Variants in CDH18 observed in about 807,000 individuals in gnomAD.
The protein encoded by CDH18 is cadherin-18.
CDH18 carries 31 observed loss-of-function variants against 67.9 expected under a neutral mutation model. That is an observed-to-expected ratio of 0.46 (90% CI 0.34 to 0.62). The LOEUF is 0.62. Among genes scored for constraint, CDH18 ranks in the 20% least tolerant of loss-of-function variants. The pLI, the probability that CDH18 is intolerant of heterozygous loss-of-function variation, is 0.01. For missense variants in CDH18, 890 were observed against 975.5 expected, an observed-to-expected ratio of 0.91 and a Z score of 1.17; for synonymous variants, 362 against 347.2, an observed-to-expected ratio of 1.04 and a Z score of -0.48.
At chr5:20,059,725 A>C (rs941544090) in intron 2 of CDH18, among the ~76,000 whole-genome samples, 3 of 152,360 alleles carry the variant, frequency 2.0e-5, no homozygotes, top group African/African-American at 7.2e-5. Flanking sequence ...AATGCCCATC[A>C]GTGACTGGAT....
chr5:20,016,514 G>A (rs563267259), intron 2 of CDH18, among the ~76,000 whole-genome samples: 9 of 152,224 alleles, frequency 5.9e-5, no homozygotes, highest in African/African-American at 1.7e-4. Context: ...AGTGATAGAA[G>A]CATAAATGGA....
rs138936249 is a variant in CDH18 at position 20,365,429 on chromosome 5, G to A, written c.-579-109924C>T. 2.9e-4 allele frequency among the ~76,000 whole-genome samples: 44 copies of A among 152,214 alleles called. No homozygotes were observed. The East Asian group carries it at 6.8e-3, about 23-fold the overall frequency. On this transcript the variant is annotated intron_variant, in intron 1 of 14. Transcript: ENST00000507958. ...GTCCACAAGCAATTCCTGATCTGCCGTGGGAAGAAGCTTGCACAAGCCTCC... is the reference window on the plus strand; with the variant it reads ...GTCCACAAGCAATTCCTGATCTGCCATGGGAAGAAGCTTGCACAAGCCTCC...
chr5:20,470,477 A>G (rs996773257), intron 1 of CDH18, among the ~76,000 whole-genome samples: 1 of 152,072 alleles, frequency 6.6e-6, no homozygotes, highest in Non-Finnish European at 1.5e-5. Flanking sequence ...CTATTCTGTA[A>G]CTTTTCTGTT....
chr5:19,881,212 T>C (rs1375249849), intron 2 of CDH18, among the ~76,000 whole-genome samples: 1 of 152,156 alleles, frequency 6.6e-6, no homozygotes, highest in Non-Finnish European at 1.5e-5. Flanking sequence ...AGTAAGTCCT[T>C]TCAATGCCTT....
At chr5:20,254,693 TG>T (rs1439608254) in intron 2 of CDH18, among the ~76,000 whole-genome samples, 1 of 152,202 alleles carries the variant, frequency 6.6e-6, no homozygotes, top group Non-Finnish European at 1.5e-5. Flanking sequence ...TCAGCCACAG[TG>T]GCAAGAAGTT....
intron 3 of CDH18, among the ~76,000 whole-genome samples, chr5:19,773,412 G>A (rs1773947558): frequency 6.6e-6 from 1 of 152,050 alleles, no homozygotes. Flanking sequence ...ACTTTAGAAA[G>A]GTAAAACAAA....
chr5:19,489,187 A>T (rs2126645590), intron 11 of CDH18, among the ~76,000 whole-genome samples: 1 of 151,770 alleles, frequency 6.6e-6, no homozygotes, highest in African/African-American at 2.4e-5. Flanking sequence ...AAATAAATGT[A>T]CTTATTTTAT....
intron 2 of CDH18, among the ~76,000 whole-genome samples, chr5:19,845,512 T>C (rs983395268): frequency 6.6e-6 from 1 of 152,130 alleles, no homozygotes; most frequent in African/African-American, 2.4e-5. Flanking sequence ...GTTCCATATA[T>C]GTCTGTTAAA....
chr5:20,544,598 C>T (rs1402228391), intron 1 of CDH18, among the ~76,000 whole-genome samples: 1 of 151,922 alleles, frequency 6.6e-6, no homozygotes. Context: ...AGGGAAAGTG[C>T]CACACTTTTA....
chr5:19,590,116 A>G (rs933129316), intron 7 of CDH18, among the ~76,000 whole-genome samples: 1 of 152,122 alleles, frequency 6.6e-6, no homozygotes, highest in Non-Finnish European at 1.5e-5. Flanking sequence ...TATTCTTTGC[A>G]TAGCTCATGT....
intron 11 of CDH18, among the ~76,000 whole-genome samples, chr5:19,490,872 A>C (rs987055939): frequency 1.3e-5 from 2 of 152,294 alleles, no homozygotes; most frequent in South Asian, 4.1e-4. Flanking sequence ...TAGGTAAAAC[A>C]ACAATCAATG....
intron 1 of CDH18, among the ~76,000 whole-genome samples, chr5:19,982,904 C>G (rs1478380336): frequency 6.6e-6 from 1 of 151,964 alleles, no homozygotes; most frequent in East Asian, 1.9e-4. Flanking sequence ...ATTAGCCGGG[C>G]TTGGTGGCAG....
chr5:20,360,187 C>T (rs1221002095), intron 1 of CDH18, among the ~76,000 whole-genome samples: 1 of 144,436 alleles, frequency 6.9e-6, no homozygotes, highest in African/African-American at 2.7e-5. Context: ...ATTAGATAAA[C>T]ATTAGACTAA....
At chr5:19,486,410 T>A (rs1379587809) in intron 11 of CDH18, among the ~76,000 whole-genome samples, 1 of 151,868 alleles carries the variant, frequency 6.6e-6, no homozygotes, top group East Asian at 1.9e-4. Context: ...TGTGTATATA[T>A]CAGACACAAT....
chr5:20,201,115 C>A (rs1013902348), intron 2 of CDH18, among the ~76,000 whole-genome samples: 4 of 151,878 alleles, frequency 2.6e-5, no homozygotes, highest in Non-Finnish European at 5.9e-5. Context: ...CTAAAACCTG[C>A]AGCTGAGAAA....
intron 2 of CDH18, among the ~76,000 whole-genome samples, chr5:19,840,782 G>A (rs1782226932): frequency 6.6e-6 from 1 of 152,124 alleles, no homozygotes; most frequent in Non-Finnish European, 1.5e-5. Context: ...AAGTTTTGCT[G>A]TAGTATTATA....
At chr5:19,521,684 T>C (rs975357264) in intron 9 of CDH18, among the ~76,000 whole-genome samples, 7 of 135,138 alleles carry the variant, frequency 5.2e-5, no homozygotes, top group African/African-American at 1.9e-4. Flanking sequence ...AGTAAGAAAA[T>C]AGATGGGTTA....
intron 2 of CDH18, among the ~76,000 whole-genome samples, chr5:20,030,375 T>C (rs1739291626): frequency 6.6e-6 from 1 of 152,184 alleles, no homozygotes; most frequent in Non-Finnish European, 1.5e-5. Context: ...GAGGTATCTG[T>C]CCAGACAGTG....
intron 1 of CDH18, chr5:20,575,400 A>G (rs1439885060): frequency 6.6e-6 from 1 of 152,166 alleles, no homozygotes; most frequent in African/African-American, 2.4e-5. Flanking sequence ...ATGCAAAGCT[A>G]TGATGTATTT....
Sources: allele counts gnomAD v4.1 joint callset (sites outside exome capture counted in the v4.1 genomes callset), GRCh38; gene constraint gnomAD v4.1.1; transcripts MANE v1.5; gene names NCBI Gene and HGNC (gene_info 2026-07-23, HGNC 2026-07-21).